Variants in PCSK5 observed in about 807,000 individuals in gnomAD.
PCSK5 encodes the protein proprotein convertase subtilisin/kexin type 5.
A neutral mutation model predicts 233.2 loss-of-function variants in PCSK5; 129 were observed. The ratio of observed to expected loss-of-function variants is 0.55; its 90% CI spans 0.48 to 0.64. The LOEUF (loss-of-function observed/expected upper bound fraction) is 0.64, where lower values mean the gene tolerates loss of function less well. Ranked by LOEUF, PCSK5 falls within the 30% of genes least tolerant of loss-of-function variation. PCSK5 has a pLI of 0.00. For missense variants in PCSK5, 2,076 were observed against 2,430.1 expected, an observed-to-expected ratio of 0.85 and a Z score of 3.06; for synonymous variants, 825 against 879.2, an observed-to-expected ratio of 0.94 and a Z score of 1.09.
intron 1 of PCSK5, among the ~76,000 whole-genome samples, chr9:75,913,306 A>G (rs1226848771): frequency 2.0e-5 from 3 of 152,160 alleles, no homozygotes; most frequent in African/African-American, 4.8e-5. Flanking sequence ...TTTCAACCCT[A>G]TTGCATTTTG....
chr9:76,245,654 A>G (rs1397400272), intron 24 of PCSK5, among the ~76,000 whole-genome samples: 2 of 152,212 alleles, frequency 1.3e-5, no homozygotes, highest in Non-Finnish European at 2.9e-5. Context: ...GGAAATAGGC[A>G]AAGAGAAGTT....
At chr9:76,136,278 G>T (rs1406590273) in intron 10 of PCSK5, among the ~76,000 whole-genome samples, 1 of 151,928 alleles carries the variant, frequency 6.6e-6, no homozygotes, top group Non-Finnish European at 1.5e-5. Flanking sequence ...CCTCCCTAGA[G>T]TCCCACAGAT....
At chr9:75,962,912 A>G (rs1378500298) in intron 2 of PCSK5, among the ~76,000 whole-genome samples, 1 of 152,122 alleles carries the variant, frequency 6.6e-6, no homozygotes, top group Non-Finnish European at 1.5e-5. Context: ...GGTTAATCGC[A>G]TGGGTTCTGG....
At position 76,041,843 on chromosome 9, in the gene PCSK5, GAAAAA is replaced by G. The variant is rs66491707; in HGVS notation, c.632+14818_632+14822del. Among the ~76,000 whole-genome samples, 241 of 131,048 alleles carry G rather than the reference GAAAAA, an allele frequency of 1.8e-3. 1 individual carries two copies. The highest frequency in any genetic ancestry group is 6.1e-3 in the African/African-American group (222 of 36,502). The allele number at this position is 131,048 out of a possible 152,430, so 86.0% of individuals were successfully genotyped here. The stretch of plus-strand genomic sequence containing the variant: ...GACAGAGCAAGACTCTGTCTCAAGG[GAAAAA>G]AAAAAAAAAAAGATTTTATAATGTG... On this transcript the variant is annotated intron_variant, in intron 5 of 37. Transcript: ENST00000674117.
At chr9:75,924,553 C>A (rs532051001) in intron 1 of PCSK5, among the ~76,000 whole-genome samples, 1 of 152,056 alleles carries the variant, frequency 6.6e-6, no homozygotes. Context: ...AATGTAAGTT[C>A]TCTGGGGTTA....
chr9:75,943,076 G>T (rs1054582789), intron 2 of PCSK5, among the ~76,000 whole-genome samples: 1 of 151,716 alleles, frequency 6.6e-6, no homozygotes, highest in African/African-American at 2.4e-5. Flanking sequence ...GTAGAGACGG[G>T]GTTTCGCCAT....
intron 8 of PCSK5, among the ~76,000 whole-genome samples, chr9:76,102,008 G>T (rs1219038229): frequency 6.6e-6 from 1 of 152,166 alleles, no homozygotes; most frequent in East Asian, 1.9e-4. Flanking sequence ...TTATTTGGAA[G>T]TTTGATACAT....
At chr9:75,991,765 A>G (rs1826777001) in intron 3 of PCSK5, among the ~76,000 whole-genome samples, 1 of 152,166 alleles carries the variant, frequency 6.6e-6, no homozygotes. Flanking sequence ...AAGAAAACTC[A>G]GTTTGACTCT....
At position 76,346,126 on chromosome 9, in the gene PCSK5, AC is replaced by A. The variant is rs1240922806; in HGVS notation, c.4967-4700del. 2.7e-5 allele frequency among the ~76,000 whole-genome samples: 4 copies of A among 147,982 alleles called. No homozygotes were observed. In the Admixed American group the frequency reaches 2.8e-4, roughly 10 times the overall value. ...CATATAGCTGTCCAGCTATCCCAGCACCATTTATTGACCAGAGATTATTTTT... is the reference window on the plus strand; with the variant it reads ...CATATAGCTGTCCAGCTATCCCAGCACATTTATTGACCAGAGATTATTTTT... On this transcript the variant is annotated intron_variant, in intron 35 of 37. Transcript: ENST00000674117.
chr9:76,343,818 A>C (rs1242522053), intron 35 of PCSK5, among the ~76,000 whole-genome samples: 1 of 152,158 alleles, frequency 6.6e-6, no homozygotes, highest in Middle Eastern at 3.2e-3. Flanking sequence ...AATGTTCTAC[A>C]ACTGTGAACA....
Position 75,891,070 on chromosome 9 carries a change from T to TGCGGCGGCCCGGGGCTGCGAGCC in PCSK5, c.-94_-93insGAGCCGCGGCGGCCCGGGGCTGC. On this transcript the variant is annotated 5_prime_UTR_variant, in exon 1 of 38. Transcript: ENST00000674117. Reference sequence around the variant, plus strand: ...CTGCCGATCGCCCGGGGCTGCGAGCTGCGGCGGCCCGGGGCTGCTCGCCGG... The same window carrying TGCGGCGGCCCGGGGCTGCGAGCC: ...CTGCCGATCGCCCGGGGCTGCGAGCTGCGGCGGCCCGGGGCTGCGAGCCGCGGCGGCCCGGGGCTGCTCGCCGG... The TGCGGCGGCCCGGGGCTGCGAGCC allele has an allele frequency of 9.8e-7, 1 of 1,017,310 alleles. No homozygotes were observed. Among genetic ancestry groups the TGCGGCGGCCCGGGGCTGCGAGCC allele is most frequent in the Non-Finnish European group, 1.3e-6 (1 of 764,208 alleles). The allele number at this position is 1,017,310 out of a possible 1,614,324, so 63.0% of individuals were successfully genotyped here. A position where few individuals can be genotyped will look rare whatever the true frequency, so the allele number is the denominator to read the frequency against.
At chr9:76,067,768 A>G (rs1211616802) in intron 5 of PCSK5, among the ~76,000 whole-genome samples, 187 bp from the exon 6 acceptor site, 1 of 152,240 alleles carries the variant, frequency 6.6e-6, no homozygotes. Flanking sequence ...TGTCAAGAAT[A>G]TAATCCAAAA....
At chr9:76,143,729 T>C (rs1021903915) in intron 10 of PCSK5, among the ~76,000 whole-genome samples, 6 of 61,434 alleles carry the variant, frequency 9.8e-5, no homozygotes, top group South Asian at 1.1e-3. Flanking sequence ...TACATCCCAC[T>C]TTTTTTTTTT....
chr9:75,930,612 G>T (rs1265592287), intron 1 of PCSK5, among the ~76,000 whole-genome samples: 1 of 152,188 alleles, frequency 6.6e-6, no homozygotes. Flanking sequence ...GTAGGCCATA[G>T]AACACAGCCA....
At chr9:76,280,591 A>G (rs1827833735) in intron 24 of PCSK5, among the ~76,000 whole-genome samples, 1 of 151,952 alleles carries the variant, frequency 6.6e-6, no homozygotes, top group Non-Finnish European at 1.5e-5. Context: ...AAAGTACAAC[A>G]ATTAGCCAGA....
chr9:76,133,834 C>G (rs565959111), intron 9 of PCSK5, among the ~76,000 whole-genome samples: 1 of 151,920 alleles, frequency 6.6e-6, no homozygotes. Context: ...AAACCGGAAA[C>G]GCTCACCCTT....
At chr9:76,193,283 A>G (rs757569160) in intron 20 of PCSK5, 1 of 1,613,618 alleles carries the variant, frequency 6.2e-7, no homozygotes, top group South Asian at 1.1e-5. Context: ...TGCTTGTGAA[A>G]AAGAACAATC....
intron 2 of PCSK5, among the ~76,000 whole-genome samples, chr9:75,934,587 A>T (rs28680403): frequency 0.052 from 7,749 of 149,530 alleles, 365 homozygotes; most frequent in African/African-American, 0.13. Flanking sequence ...TTTTTTTTTT[A>T]AATTTTTTTT....
intron 5 of PCSK5, among the ~76,000 whole-genome samples, chr9:76,064,937 T>G (rs1450557841): frequency 6.6e-6 from 1 of 152,250 alleles, no homozygotes; most frequent in Non-Finnish European, 1.5e-5. Flanking sequence ...TCCTCCTGAC[T>G]TGGCCTCCCA....
Sources: gnomAD v4.1 joint callset for allele counts (sites outside exome capture counted in the v4.1 genomes callset) on GRCh38, gnomAD v4.1.1 for gene constraint, MANE v1.5 for transcripts, NCBI Gene and HGNC (gene_info 2026-07-23, HGNC 2026-07-21) for gene names.